The following ARHGAP8 variants were observed in gnomAD, a reference collection of about 807,000 sequenced individuals.
ARHGAP8 encodes Rho GTPase activating protein 8.
Under a neutral mutation model 46.1 loss-of-function variants are expected in ARHGAP8, and 62 were observed. The ratio of observed to expected loss-of-function variants is 1.34; its 90% CI spans 1.10 to 1.66. The LOEUF is 1.66. ARHGAP8 is among the 40% of genes most tolerant of loss of function. The pLI, the probability that ARHGAP8 is intolerant of heterozygous loss-of-function variation, is 0.00. For synonymous variants in ARHGAP8, 375 were observed against 243.1 expected (o/e 1.54, Z -5.05); for missense variants, 923 against 568.4 (o/e 1.62, Z -6.34).
intron 7 of ARHGAP8, among the ~76,000 whole-genome samples, chr22:44,842,899 G>C (rs1428831392): frequency 6.6e-6 from 1 of 152,238 alleles, no homozygotes; most frequent in Non-Finnish European, 1.5e-5. Context: ...TTTGACCCCA[G>C]GTGGGCCTGT....
chr22:44,827,359 T>TTTTC (rs1930609929), intron 7 of ARHGAP8, among the ~76,000 whole-genome samples: 1 of 137,592 alleles, frequency 7.3e-6, no homozygotes, highest in Non-Finnish European at 1.5e-5. Flanking sequence ...TTTTTTTTTT[T>TTTTC]TTTGAGACAG....
At chr22:44,827,190 A>C (rs1048617922) in intron 7 of ARHGAP8, among the ~76,000 whole-genome samples, 22 of 152,046 alleles carry the variant, frequency 1.4e-4, no homozygotes, top group Non-Finnish European at 2.6e-4. Context: ...CGGGGCCAGA[A>C]GCCAAGGCAC....
intron 10 of ARHGAP8, 64 bp downstream of exon 10, chr22:44,849,124 G>A (rs908864575): frequency 3.1e-6 from 5 of 1,604,642 alleles, no homozygotes; most frequent in Non-Finnish European, 4.2e-6. Context: ...CCCAGCTACT[G>A]GCCCAGGGTC....
intron 2 of ARHGAP8, 125 bp downstream of exon 2, chr22:44,786,731 A>C: frequency 7.2e-7 from 1 of 1,397,144 alleles, no homozygotes; most frequent in Non-Finnish European, 9.6e-7. Flanking sequence ...AAATCTAATT[A>C]GAGCCAGGTG....
intron 1 of ARHGAP8, among the ~76,000 whole-genome samples, chr22:44,764,778 C>T (rs1925422795): frequency 6.6e-6 from 1 of 152,208 alleles, no homozygotes; most frequent in African/African-American, 2.4e-5. Flanking sequence ...TCAGTGTTCT[C>T]CAGGCCAACA....
chr22:44,816,596 T>A (rs946147617), intron 5 of ARHGAP8, among the ~76,000 whole-genome samples: 1 of 152,096 alleles, frequency 6.6e-6, no homozygotes, highest in Non-Finnish European at 1.5e-5. Flanking sequence ...GAGGATCACT[T>A]GAGCCCAGGA....
intron 11 of ARHGAP8, among the ~76,000 whole-genome samples, chr22:44,861,862 C>G (rs149454240): frequency 6.6e-6 from 1 of 152,154 alleles, no homozygotes; most frequent in Non-Finnish European, 1.5e-5. Flanking sequence ...CCCTGCCCCT[C>G]GTAGTGGCCC....
intron 7 of ARHGAP8, among the ~76,000 whole-genome samples, chr22:44,834,787 T>C (rs1931172262): frequency 1.3e-5 from 2 of 152,180 alleles, no homozygotes; most frequent in East Asian, 1.9e-4. Context: ...GGGGCTGTAT[T>C]GTTAGGTGCA....
intron 8 of ARHGAP8, among the ~76,000 whole-genome samples, chr22:44,847,373 CA>C (rs2069983887): frequency 6.6e-6 from 1 of 152,252 alleles, no homozygotes; most frequent in Admixed American, 6.5e-5. Context: ...ACTTGGACAT[CA>C]TCTATATCTT....
Position 44,808,373 on chromosome 22 carries a change from G to T in ARHGAP8, c.234G>T (p.Gly78=). ...NDYTIVYFHY[G]LNSRNKPSLG... is the part of the protein sequence containing the mutation. ...ATACCATCGTCTATTTCCACTACGG[G>T]CTGAACAGCCGGAACAAGCCTTCCC... is the stretch of plus-strand genomic sequence containing the variant. Residue 78 remains glycine, a synonymous_variant, in exon 4 of 12, where the codon GGG becomes GGT. Coordinates refer to ENST00000356099, the MANE Select transcript of ARHGAP8 (RefSeq NM_181335.3). 1 of 1,614,226 alleles carries T rather than the reference G, an allele frequency of 6.2e-7. No homozygotes were observed. The highest frequency in any genetic ancestry group is 8.5e-7 in the Non-Finnish European group (1 of 1,180,042).
intron 1 of ARHGAP8, among the ~76,000 whole-genome samples, chr22:44,754,373 T>TGTGTGTGTGTGTGA (rs1555907814): frequency 0.015 from 2,250 of 147,470 alleles, 25 homozygotes; most frequent in South Asian, 0.025. Flanking sequence ...TGTGTGTGTG[T>TGTGTGTGTGTGTGA]GACGCAGTTT....
At chr22:44,862,167 A>G in intron 11 of ARHGAP8, 108 bp from the exon 12 acceptor site, 1 of 1,355,320 alleles carries the variant, frequency 7.4e-7, no homozygotes, top group Middle Eastern at 2.4e-4. Context: ...CTCCCAGTCC[A>G]GTGCTCCTCT....
chr22:44,801,141 G>GA (rs746141436), intron 2 of ARHGAP8, among the ~76,000 whole-genome samples: 6 of 48,866 alleles, frequency 1.2e-4, no homozygotes, highest in South Asian at 1.1e-3. Flanking sequence ...GTCCATGTGT[G>GA]GGGGCACCTC....
rs149454240 is a variant in ARHGAP8 at position 44,861,862 on chromosome 22, C to T, written c.982-413C>T. Among the ~76,000 whole-genome samples, 331 of 152,272 alleles carry T rather than the reference C, an allele frequency of 2.2e-3. 1 individual carries two copies. Among genetic ancestry groups the T allele is most frequent in the Admixed American group, 5.8e-3 (89 of 15,304 alleles). On this transcript the variant is annotated intron_variant, in intron 11 of 11. Coordinates refer to ENST00000356099, the MANE Select transcript of ARHGAP8 (RefSeq NM_181335.3). ...AGCTCTTTCCACTCTCCCTGCCCCT[C>T]GTAGTGGCCCCTAGATGTGCTGGCT... is the stretch of plus-strand genomic sequence containing the variant.
intron 1 of ARHGAP8, among the ~76,000 whole-genome samples, chr22:44,784,810 C>A (rs1927095423): frequency 6.6e-6 from 1 of 152,226 alleles, no homozygotes; most frequent in Non-Finnish European, 1.5e-5. Context: ...TGTGTGGCTG[C>A]TGGGTCCTCA....
At chr22:44,820,251 T>A (rs1930033823) in intron 5 of ARHGAP8, among the ~76,000 whole-genome samples, 1 of 152,112 alleles carries the variant, frequency 6.6e-6, no homozygotes, top group Non-Finnish European at 1.5e-5. Flanking sequence ...TGGCTGCACC[T>A]GTCCCAGAGT....
chr22:44,811,825 A>G (rs182809477), intron 4 of ARHGAP8, among the ~76,000 whole-genome samples: 41 of 152,096 alleles, frequency 2.7e-4, no homozygotes, highest in African/African-American at 9.4e-4. Flanking sequence ...GTGAAACCCC[A>G]TCTCTACTAA....
At chr22:44,862,099 GTAAC>G (rs562033038) in intron 11 of ARHGAP8, among the ~76,000 whole-genome samples, 172 bp from the exon 12 acceptor site, 110 of 152,318 alleles carry the variant, frequency 7.2e-4, no homozygotes, top group African/African-American at 2.4e-3. Context: ...TAGAGATAGG[GTAAC>G]TAAGGCCCTG....
chr22:44,843,965 A>G (rs547783053), intron 7 of ARHGAP8, among the ~76,000 whole-genome samples: 1 of 152,142 alleles, frequency 6.6e-6, no homozygotes, highest in African/African-American at 2.4e-5. Context: ...GATACAGCAT[A>G]TATACATAGA....
Sources: allele counts gnomAD v4.1 joint callset (sites outside exome capture counted in the v4.1 genomes callset), GRCh38; gene constraint gnomAD v4.1.1; transcripts MANE v1.5; gene names NCBI Gene and HGNC (gene_info 2026-07-23, HGNC 2026-07-21).